R3HDM4: variants seen among roughly 807,000 people sequenced by gnomAD.
R3HDM4 encodes the protein R3H domain containing 4.
In R3HDM4, 30 loss-of-function variants were observed where a neutral mutation model predicts 31.3. The ratio of observed to expected loss-of-function variants is 0.96; its 90% CI spans 0.72 to 1.30. The LOEUF (loss-of-function observed/expected upper bound fraction) is 1.30. Among genes scored for constraint, R3HDM4 ranks in the 50% most tolerant of loss-of-function variants. R3HDM4 has a pLI of 0.00. For synonymous variants in R3HDM4, 196 were observed against 156.6 expected (o/e 1.25, Z -1.88); for missense variants, 444 against 366.1 (o/e 1.21, Z -1.74).
Position 899,107 on chromosome 19 carries a change from G to C in R3HDM4, c.703+333C>G, listed in dbSNP as rs1053590143. Among the ~76,000 whole-genome samples the C allele has an allele frequency of 6.6e-6, 1 of 152,070 alleles. No individual in the cohort carries two copies. Among genetic ancestry groups the C allele is most frequent in the East Asian group, 1.9e-4 (1 of 5,186 alleles). On this transcript the variant is annotated intron_variant, in intron 7 of 7. Coordinates refer to ENST00000361574, the MANE Select transcript of R3HDM4 (RefSeq NM_138774.4). This position sits in a 1 kb window ranked among gnomAD's most constrained non-coding sequence, Gnocchi z 6.8. ...TAAATGCAAACCTTCCAGACACTGC[G>C]TCCCCCCATCTTATCTCTGGCTCTG... is the stretch of plus-strand genomic sequence containing the variant.
intron 3 of R3HDM4, 196 bp from the exon 4 acceptor site, chr19:901,148 T>G: frequency 1.4e-6 from 1 of 705,410 alleles, no homozygotes; most frequent in Non-Finnish European, 2.3e-6. Flanking sequence ...GGCCCAGCTG[T>G]CTCGGGGTGG....
At chr19:908,854 T>C (rs1399789482) in intron 1 of R3HDM4, among the ~76,000 whole-genome samples, 1 of 151,528 alleles carries the variant, frequency 6.6e-6, no homozygotes, top group Admixed American at 6.6e-5. Flanking sequence ...CCTTAATCAC[T>C]AGCTCACTAG....
chr19:900,933 T>C lies in R3HDM4; in HGVS notation c.371A>G (p.Asn124Ser). ...TYVEVWNDFMNRSGEEQERVL... is the reference protein window; with the variant it reads ...TYVEVWNDFMSRSGEEQERVL... ...CCGCTCCTGCTCCTCCCCGGAGCGG[T>C]TCATGAAATCGTTCCAGACCTGGAA... Residue 124 changes from asparagine to serine, a missense_variant, in exon 4 of 8, where the codon AAC (asparagine) becomes AGC (serine). Asn to Ser is a conservative substitution (Grantham distance 46). Transcript: ENST00000361574. 6.2e-7 allele frequency: 1 copy of C among 1,603,410 alleles called. No individual in the cohort carries two copies. Among genetic ancestry groups the C allele is most frequent in the Non-Finnish European group, 8.5e-7 (1 of 1,175,712 alleles).
intron 1 of R3HDM4, among the ~76,000 whole-genome samples, chr19:908,158 C>T (rs2036929063): frequency 6.6e-6 from 1 of 151,822 alleles, no homozygotes; most frequent in Non-Finnish European, 1.5e-5. Flanking sequence ...CACCACTGCA[C>T]TCCAGCCTGA....
chr19:909,902 T>C (rs2036950685), intron 1 of R3HDM4, among the ~76,000 whole-genome samples: 1 of 151,542 alleles, frequency 6.6e-6, no homozygotes, highest in African/African-American at 2.4e-5. Context: ...GAGGAGACGT[T>C]ACGTGGGTGC....
chr19:897,857 A>G (rs780064703), intron 7 of R3HDM4, among the ~76,000 whole-genome samples: 1 of 152,194 alleles, frequency 6.6e-6, no homozygotes, highest in Non-Finnish European at 1.5e-5. Flanking sequence ...TGCCTGGCGG[A>G]GTGTCCGGCC....
At position 913,044 on chromosome 19, in the gene R3HDM4, G is replaced by GCCC. The variant is rs199619192; in HGVS notation, c.71+40_71+42dup. The GCCC allele has an allele frequency of 2.1e-5, 16 of 769,246 alleles. No individual in the cohort carries two copies. Among genetic ancestry groups the GCCC allele is most frequent in the Admixed American group, 6.0e-5 (1 of 16,760 alleles). 47.7% of individuals were successfully genotyped at this position (769,246 alleles called of 1,614,324 possible). On this transcript the variant is annotated intron_variant, in intron 1 of 7. Transcript: ENST00000361574. This position sits in a 1 kb window ranked among gnomAD's most constrained non-coding sequence, Gnocchi z 5.0. Reference sequence around the variant, plus strand: ...AGAGGATCTCAGGGGAGGGAGCCCAGCCCGCCCCCGGCGCCCGCCGCGCCC... The same window carrying GCCC: ...AGAGGATCTCAGGGGAGGGAGCCCAGCCCCCCGCCCCCGGCGCCCGCCGCGCCC...
intron 1 of R3HDM4, among the ~76,000 whole-genome samples, chr19:903,497 C>T (rs1053527873): frequency 2.0e-5 from 3 of 148,132 alleles, no homozygotes; most frequent in East Asian, 2.0e-4. Context: ...ACCCGGGAAG[C>T]GGGCGGCGTT....
At position 901,416 on chromosome 19, in the gene R3HDM4, C is replaced by T. The variant is rs769896523; in HGVS notation, c.351+6G>A. 3.1e-6 allele frequency: 5 copies of T among 1,602,836 alleles called. No homozygotes were observed. The highest frequency in any genetic ancestry group is 2.2e-5 in the East Asian group (1 of 44,714). ...GTGGAGGGAGTGAGGGGGTTGGGGG[C>T]CACACCTCCACATAGGTGGCGTTGT... On this transcript the variant is annotated splice_donor_region_variant and intron_variant, in intron 3 of 7. Coordinates refer to ENST00000361574, the MANE Select transcript of R3HDM4 (RefSeq NM_138774.4).
At chr19:905,219 G>T (rs1178126102) in intron 1 of R3HDM4, among the ~76,000 whole-genome samples, 1 of 148,596 alleles carries the variant, frequency 6.7e-6, no homozygotes. Flanking sequence ...AAAAAAAAAA[G>T]TACGCTGGGC....
chr19:902,332 G>T (rs1156230219), intron 1 of R3HDM4: 2 of 596,540 alleles, frequency 3.4e-6, no homozygotes, highest in African/African-American at 1.9e-5. Flanking sequence ...AAGACGGGCT[G>T]GGTGTGGTGG....
intron 1 of R3HDM4, among the ~76,000 whole-genome samples, chr19:904,295 G>T (rs2145294415): frequency 6.6e-6 from 1 of 152,282 alleles, no homozygotes; most frequent in Middle Eastern, 3.4e-3. Context: ...GCTCGGGTTT[G>T]CTGGCTGGCT....
intron 1 of R3HDM4, among the ~76,000 whole-genome samples, chr19:903,073 G>T (rs1238590120): frequency 6.6e-6 from 1 of 152,138 alleles, no homozygotes; most frequent in Non-Finnish European, 1.5e-5. Context: ...CAGTGTTCAA[G>T]GTGTTAGCTG....
Position 907,171 on chromosome 19 carries a change from T to C in R3HDM4, c.72-5041A>G, listed in dbSNP as rs2036916024. The stretch of plus-strand genomic sequence containing the variant: ...AAGTCACCGCCCAAGCTCCCATTGC[T>C]GCAAAGAGGGCAGCTGGAGAAGGAG... On this transcript the variant is annotated intron_variant, in intron 1 of 7. Transcript: ENST00000361574. The surrounding 1 kb of genome is among the most constrained non-coding windows in gnomAD (Gnocchi z 4.1). Among the ~76,000 whole-genome samples the C allele has an allele frequency of 1.3e-5, 2 of 152,314 alleles. No individual in the cohort carries two copies. Among genetic ancestry groups the C allele is most frequent in the South Asian group, 2.1e-4 (1 of 4,832 alleles).
chr19:912,073 G>GA, intron 1 of R3HDM4, among the ~76,000 whole-genome samples: 1 of 125,244 alleles, frequency 8.0e-6, no homozygotes, highest in African/African-American at 3.1e-5. Context: ...GGGCAGACCC[G>GA]GGAGTGGGGG....
rs758948756 is a variant in R3HDM4 at position 901,468 on chromosome 19, G to A, written c.305C>T (p.Ser102Leu). The change falls in exon 3 of 8, where the codon TCA becomes TTA. Residue 102 changes from serine (S) to leucine (L), a missense_variant. By Grantham distance (145) the Ser-to-Leu change is moderately radical (BLOSUM62 -2). Coordinates refer to ENST00000361574, the MANE Select transcript of R3HDM4 (RefSeq NM_138774.4). ...LEDGDLAPPA[S>L]PGIFAEACNN... ...GCAGGCCTCGGCAAAGATGCCTGGT[G>A]ATGCAGGGGGTGCCAAGTCCCCATC... 4.3e-6 allele frequency: 7 copies of A among 1,609,476 alleles called. No homozygotes were observed. The East Asian group carries it at 1.6e-4, about 36-fold the overall frequency.
rs2965284 is a variant in R3HDM4, at chr19:899,444, C to G, written c.699G>C (p.Ser233=). The change falls in exon 7 of 8, where the codon TCG becomes TCC. Residue 233 remains serine (S), a synonymous_variant. Transcript: ENST00000361574. This position sits in a 1 kb window ranked among gnomAD's most constrained non-coding sequence, Gnocchi z 6.8. ...HAVCQYMDLI[S]ASADLEGKRQ... is the part of the protein sequence containing the mutation. Reference sequence around the variant, plus strand: ...TTGGGGGCCACCGGCACTTACTGGCCGAGATGAGGTCCATGTACTGGCAGA... The same window carrying G: ...TTGGGGGCCACCGGCACTTACTGGCGGAGATGAGGTCCATGTACTGGCAGA... 41 of 1,613,398 alleles carry G rather than the reference C, an allele frequency of 2.5e-5. No homozygotes were observed. Among genetic ancestry groups the G allele is most frequent in the Non-Finnish European group, 3.4e-5 (40 of 1,179,882 alleles).
chr19:898,404 CAA>C (rs67161788), intron 7 of R3HDM4, among the ~76,000 whole-genome samples: 33,675 of 97,488 alleles, frequency 0.35, 5,533 homozygotes, highest in South Asian at 0.46. Context: ...GACTTGGTCT[CAA>C]AAAAAAAAAA....
chr19:900,382 C>G (rs2036812223), intron 4 of R3HDM4, among the ~76,000 whole-genome samples: 1 of 151,872 alleles, frequency 6.6e-6, no homozygotes, highest in Admixed American at 6.6e-5. Context: ...TTCACCCCAG[C>G]TAGACATGAG....
Sources: gnomAD v4.1 joint callset for allele counts (sites outside exome capture counted in the v4.1 genomes callset) on GRCh38, gnomAD v4.1.1 for gene constraint, Gnocchi (gnomAD v3.1) non-coding constraint, MANE v1.5 for transcripts, NCBI Gene and HGNC (gene_info 2026-07-23, HGNC 2026-07-21) for gene names.